Variants in SMYD3 observed in about 807,000 individuals in gnomAD.
The protein encoded by SMYD3 is SET and MYND domain containing 3.
Under a neutral mutation model 57.7 loss-of-function variants are expected in SMYD3, and 36 were observed. The ratio of observed to expected loss-of-function variants is 0.62; its 90% CI spans 0.48 to 0.82. The LOEUF is 0.82. Ranked by LOEUF, SMYD3 falls within the 40% of genes least tolerant of loss-of-function variation. The pLI is 0.00. For synonymous variants in SMYD3, 211 were observed against 195.0 expected (o/e 1.08, Z -0.68); for missense variants, 515 against 538.8 (o/e 0.96, Z 0.44).
intron 5 of SMYD3, among the ~76,000 whole-genome samples, chr1:246,074,157 A>G (rs1373834551): frequency 6.6e-6 from 1 of 152,156 alleles, no homozygotes; most frequent in African/African-American, 2.4e-5. Context: ...TGGCCCAGGG[A>G]AGCCAAAAGA....
At chr1:245,775,733 A>AT (rs201683076) in intron 10 of SMYD3, among the ~76,000 whole-genome samples, 1,133 of 65,792 alleles carry the variant, frequency 0.017, 13 homozygotes, top group African/African-American at 0.17. Context: ...AAAAAAAATA[A>AT]AAAAAATAAA....
intron 1 of SMYD3, among the ~76,000 whole-genome samples, chr1:246,482,684 A>G (rs986016194): frequency 2.6e-5 from 4 of 152,224 alleles, no homozygotes; most frequent in Admixed American, 6.5e-5. Context: ...CCCCTGAACT[A>G]AAAGACATAT....
At chr1:246,234,497 G>T (rs2063481843) in intron 5 of SMYD3, among the ~76,000 whole-genome samples, 1 of 152,080 alleles carries the variant, frequency 6.6e-6, no homozygotes, top group African/African-American at 2.4e-5. Context: ...GTACAGAGAA[G>T]CACTCCTTCA....
intron 5 of SMYD3, among the ~76,000 whole-genome samples, chr1:246,200,761 T>C (rs2062910991): frequency 6.6e-6 from 1 of 151,444 alleles, no homozygotes; most frequent in Non-Finnish European, 1.5e-5. Flanking sequence ...GATTTGATTC[T>C]CCAAACAACC....
chr1:245,921,387 C>T (rs1436823402), intron 7 of SMYD3, among the ~76,000 whole-genome samples: 1 of 152,072 alleles, frequency 6.6e-6, no homozygotes, highest in Non-Finnish European at 1.5e-5. Flanking sequence ...CTCAGAACTA[C>T]CATTTGAGCC....
intron 1 of SMYD3, among the ~76,000 whole-genome samples, chr1:246,364,741 AC>A (rs2066071157): frequency 6.6e-6 from 1 of 151,938 alleles, no homozygotes; most frequent in Non-Finnish European, 1.5e-5. Context: ...AATTCCATCC[AC>A]CCCCAAGTGC....
intron 10 of SMYD3, among the ~76,000 whole-genome samples, chr1:245,816,217 G>A (rs2048793306): frequency 6.6e-6 from 1 of 152,144 alleles, no homozygotes; most frequent in Non-Finnish European, 1.5e-5. Flanking sequence ...TTACAGCTGA[G>A]CATCTACTCA....
intron 8 of SMYD3, among the ~76,000 whole-genome samples, chr1:245,867,684 ACACACT>A (rs1273711219): frequency 5.3e-5 from 8 of 151,922 alleles, no homozygotes; most frequent in Non-Finnish European, 7.4e-5. Flanking sequence ...ACACACACAC[ACACACT>A]CACACACACA....
At chr1:245,887,194 G>A (rs1028261988) in intron 8 of SMYD3, among the ~76,000 whole-genome samples, 1 of 152,006 alleles carries the variant, frequency 6.6e-6, no homozygotes. Context: ...TAAAGGAGCT[G>A]GCCAAATCCT....
At position 245,855,131 on chromosome 1, in the gene SMYD3, T is replaced by C. The variant is rs374707202; in HGVS notation, c.1076+3365A>G. The stretch of plus-strand genomic sequence containing the variant: ...TAAATTGTCCTTCCCTACAAGCATA[T>C]GTTAATCTCGCAACAGAAATGAACA... On this transcript the variant is annotated intron_variant, in intron 10 of 11. Transcript: ENST00000490107. Among the ~76,000 whole-genome samples, 116 of 152,342 alleles carry C rather than the reference T, an allele frequency of 7.6e-4. 1 individual carries two copies. Among genetic ancestry groups the C allele is most frequent in the Middle Eastern group, 3.4e-3 (1 of 294 alleles).
intron 5 of SMYD3, among the ~76,000 whole-genome samples, chr1:246,095,651 A>C (rs1285745539): frequency 6.6e-6 from 1 of 152,222 alleles, no homozygotes; most frequent in Non-Finnish European, 1.5e-5. Context: ...CAGGCCTTAA[A>C]CCCAGCTGCT....
At chr1:245,890,338 AG>A (rs2053312204) in intron 8 of SMYD3, among the ~76,000 whole-genome samples, 1 of 152,228 alleles carries the variant, frequency 6.6e-6, no homozygotes, top group Non-Finnish European at 1.5e-5. Context: ...CCATCTGACA[AG>A]GAATCAATAA....
At chr1:246,492,655 A>G (rs1200855758) in intron 1 of SMYD3, among the ~76,000 whole-genome samples, 1 of 152,244 alleles carries the variant, frequency 6.6e-6, no homozygotes, top group South Asian at 2.1e-4. Context: ...ACTACTCTGC[A>G]TTAGCAAAAT....
At chr1:245,821,874 A>G (rs1439302414) in intron 10 of SMYD3, among the ~76,000 whole-genome samples, 164 of 149,472 alleles carry the variant, frequency 1.1e-3, no homozygotes, top group African/African-American at 3.7e-3. Context: ...TTAGAATGGC[A>G]ATCATTAAAA....
intron 10 of SMYD3, among the ~76,000 whole-genome samples, chr1:245,789,731 G>A (rs138249260): frequency 6.6e-6 from 1 of 152,214 alleles, no homozygotes; most frequent in African/African-American, 2.4e-5. Context: ...TTCTTTCACT[G>A]CTCCCAAAAC....
At chr1:245,846,623 G>A (rs925447049) in intron 10 of SMYD3, among the ~76,000 whole-genome samples, 1 of 152,196 alleles carries the variant, frequency 6.6e-6, no homozygotes, top group African/African-American at 2.4e-5. Context: ...GGACAAGAGA[G>A]GTTAACATCC....
intron 1 of SMYD3, among the ~76,000 whole-genome samples, chr1:246,432,967 A>T (rs2067319873): frequency 6.6e-6 from 1 of 152,202 alleles, no homozygotes; most frequent in South Asian, 2.1e-4. Flanking sequence ...TGGAAGTCCT[A>T]GCCAGAGCAA....
intron 5 of SMYD3, among the ~76,000 whole-genome samples, chr1:246,115,840 G>A (rs1396323960): frequency 6.6e-6 from 1 of 152,178 alleles, no homozygotes; most frequent in Non-Finnish European, 1.5e-5. Flanking sequence ...CTTTCAATAA[G>A]AATTAATTGT....
At chr1:246,246,434 T>C (rs1224641919) in intron 5 of SMYD3, among the ~76,000 whole-genome samples, 1 of 152,146 alleles carries the variant, frequency 6.6e-6, no homozygotes, top group African/African-American at 2.4e-5. Flanking sequence ...CCTGTTGTAA[T>C]AGAAAGGGTA....
Sources: gnomAD v4.1 joint callset for allele counts (sites outside exome capture counted in the v4.1 genomes callset) on GRCh38, gnomAD v4.1.1 for gene constraint, MANE v1.5 for transcripts, NCBI Gene and HGNC (gene_info 2026-07-23, HGNC 2026-07-21) for gene names.